The following C21orf58 variants were observed in gnomAD, a reference collection of about 807,000 sequenced individuals.
C21orf58 encodes the protein chromosome 21 open reading frame 58.
C21orf58 carries 34 observed loss-of-function variants against 35.8 expected under a neutral mutation model. The observed-to-expected ratio is 0.95, with a 90% confidence interval of 0.72 to 1.26. The LOEUF is 1.26. Among genes scored for constraint, C21orf58 ranks in the 50% most tolerant of loss-of-function variants. The probability of loss-of-function intolerance (pLI) is 0.00; values close to 1 mark genes in which losing one functional copy is unlikely to be tolerated. For synonymous variants in C21orf58, 191 were observed against 175.8 expected (o/e 1.09, Z -0.68); for missense variants, 440 against 414.3 (o/e 1.06, Z -0.54).
intron 7 of C21orf58, 125 bp from the exon 8 acceptor site, chr21:46,302,279 C>G: frequency 7.1e-7 from 1 of 1,403,858 alleles, no homozygotes; most frequent in Non-Finnish European, 9.4e-7. Context: ...AAGCATCCTC[C>G]CAGAGGAGGC....
intron 3 of C21orf58, among the ~76,000 whole-genome samples, chr21:46,316,594 G>A (rs999089106): frequency 1.3e-5 from 2 of 152,214 alleles, no homozygotes; most frequent in African/African-American, 4.8e-5. Flanking sequence ...CACTGGAGAG[G>A]GGCCGTTGGG....
Position 46,302,152 on chromosome 21 carries a change from G to A in C21orf58, c.816C>T (p.Asp272=). The change falls in exon 8 of 8, where the codon GAC becomes GAT. Residue 272 remains aspartate, a splice_region_variant and synonymous_variant. Transcript: ENST00000291691. ...MLKALPPALQ[D]PPHVPPRVPR... ...GGACCCTCGGGGGCACATGTGGCGG[G>A]TCCTGCCACAGACGCACCTGCTGCT... 6.7e-7 allele frequency: 1 copy of A among 1,484,644 alleles called. No homozygotes were observed. Among genetic ancestry groups the A allele is most frequent in the Non-Finnish European group, 9.0e-7 (1 of 1,116,554 alleles). 92.0% of individuals were successfully genotyped at this position (1,484,644 alleles called of 1,614,324 possible). A position where few individuals can be genotyped will look rare whatever the true frequency, so the allele number is the denominator to read the frequency against.
intron 1 of C21orf58, chr21:46,318,670 A>G: frequency 9.5e-7 from 1 of 1,056,798 alleles, no homozygotes; most frequent in Non-Finnish European, 1.1e-6. Flanking sequence ...ACTGCCTACC[A>G]AGGAGTTCAG....
chr21:46,302,175 G>A (rs1462631702), intron 7 of C21orf58, 21 bp from the exon 8 acceptor site: 1 of 1,456,326 alleles, frequency 6.9e-7, no homozygotes, highest in African/African-American at 1.4e-5. Flanking sequence ...CGCACCTGCT[G>A]CTTAGGACGC....
chr21:46,308,162 TAACTTTTAAGA>T (rs2082508060), intron 6 of C21orf58, among the ~76,000 whole-genome samples: 1 of 151,908 alleles, frequency 6.6e-6, no homozygotes, highest in South Asian at 2.1e-4. Context: ...CCTGCTGATT[TAACTTTTAAGA>T]AACTGCTGCC....
chr21:46,303,731 ATATATATATATATATT>A (rs2082256398), intron 6 of C21orf58, among the ~76,000 whole-genome samples: 4 of 28,432 alleles, frequency 1.4e-4, no homozygotes, highest in African/African-American at 3.5e-4. Flanking sequence ...ATATATATAT[ATATATATATATATATT>A]TTTTTTTTTT....
rs983482037 is a variant in C21orf58 at position 46,322,563 on chromosome 21, G to A, written c.100+76C>T. The A allele has an allele frequency of 1.2e-5, 17 of 1,370,670 alleles. No individual in the cohort carries two copies. In the African/African-American group the frequency reaches 2.4e-4, roughly 19 times the overall value. 84.9% of individuals were successfully genotyped at this position (1,370,670 alleles called of 1,614,324 possible). ...GCCTGCCTGGCCCCTGCTCTAATGAGCCCACTGCCCAGAGTTTGCTCAAAC... is the reference window on the plus strand; with the variant it reads ...GCCTGCCTGGCCCCTGCTCTAATGAACCCACTGCCCAGAGTTTGCTCAAAC... On this transcript the variant is annotated intron_variant, in intron 1 of 7. Coordinates refer to ENST00000291691, the MANE Select transcript of C21orf58 (RefSeq NM_058180.5).
intron 1 of C21orf58, 84 bp from the exon 2 acceptor site, chr21:46,318,304 G>C: frequency 2.6e-6 from 4 of 1,560,842 alleles, no homozygotes; most frequent in South Asian, 2.3e-5. Flanking sequence ...TGGGCGCCGC[G>C]TGACAGTTGC....
At chr21:46,319,463 C>T (rs1479299486) in intron 1 of C21orf58, among the ~76,000 whole-genome samples, 1 of 152,186 alleles carries the variant, frequency 6.6e-6, no homozygotes, top group African/African-American at 2.4e-5. Context: ...ACTCTGGCCC[C>T]ATGTTTAAGA....
intron 1 of C21orf58, among the ~76,000 whole-genome samples, chr21:46,321,134 T>C (rs1371040860): frequency 2.0e-5 from 3 of 152,158 alleles, no homozygotes; most frequent in African/African-American, 7.2e-5. Flanking sequence ...TCCCCTCTTA[T>C]TAACATCTTA....
chr21:46,311,624 G>GT (rs1416346039), intron 5 of C21orf58, 57 bp from the exon 6 acceptor site: 2 of 1,035,164 alleles, frequency 1.9e-6, no homozygotes, highest in Non-Finnish European at 2.9e-6. Context: ...AGTGTCTCCA[G>GT]TATCTACCAC....
rs1404231502 is a variant in C21orf58 at position 46,318,208 on chromosome 21, C to A, written c.113G>T (p.Gly38Val). ...GTTGCCTGCAGGGCGGGCCTTACCT[C>A]CTGGAGACCAGCCTGAGGGAAGAGA... Reference protein sequence around the residue: ...GHSLLCGWSPGGKARPAGNTG... With the variant: ...GHSLLCGWSPVGKARPAGNTG... The change falls in exon 2 of 8, where the codon GGA becomes GTA. Residue 38 changes from glycine to valine, a missense_variant. By Grantham distance (109) the Gly-to-Val change is moderately radical (BLOSUM62 -3). Coordinates refer to ENST00000291691, the MANE Select transcript of C21orf58 (RefSeq NM_058180.5). The A allele has an allele frequency of 6.2e-7, 1 of 1,612,450 alleles. No homozygotes were observed. The highest frequency in any genetic ancestry group is 1.1e-5 in the South Asian group (1 of 91,068).
chr21:46,301,894 T>C lies in C21orf58; in HGVS notation c.*105A>G. On this transcript the variant is annotated 3_prime_UTR_variant, in exon 8 of 8. Transcript: ENST00000291691. ...ACACTCGCGTAGCCACTCCGGGTGG[T>C]GGCAGGGTCTCTCCCTGCTCCCTTC... The C allele has an allele frequency of 7.5e-7, 1 of 1,336,168 alleles. No individual in the cohort carries two copies. The highest frequency in any genetic ancestry group is 2.1e-5 in the South Asian group (1 of 48,586). 82.8% of individuals were successfully genotyped at this position (1,336,168 alleles called of 1,614,324 possible).
At chr21:46,302,747 G>A (rs2145893876) in intron 6 of C21orf58, among the ~76,000 whole-genome samples, 171 bp from the exon 7 acceptor site, 1 of 148,238 alleles carries the variant, frequency 6.7e-6, no homozygotes, top group Non-Finnish European at 1.5e-5. Context: ...CGCGCCCTGA[G>A]CCCGTCTGCA....
At chr21:46,306,889 C>T (rs1601652750) in intron 6 of C21orf58, among the ~76,000 whole-genome samples, 2 of 143,530 alleles carry the variant, frequency 1.4e-5, no homozygotes, top group Middle Eastern at 4.8e-3. Flanking sequence ...TGCCCGGCCT[C>T]CCCTTATTTT....
intron 1 of C21orf58, chr21:46,318,448 GC>G: frequency 1.4e-6 from 2 of 1,414,300 alleles, no homozygotes; most frequent in East Asian, 5.2e-5. Flanking sequence ...AGCAGCTGAG[GC>G]AGAGGGGCAG....
At chr21:46,314,421 G>A (rs1038929275) in intron 5 of C21orf58, among the ~76,000 whole-genome samples, 2 of 152,112 alleles carry the variant, frequency 1.3e-5, no homozygotes, top group African/African-American at 4.8e-5. Context: ...CCAAATTCAG[G>A]GCCGCCCGCT....
rs746513425 is a variant in C21orf58 at position 46,322,734 on chromosome 21, G to A, written c.5C>T (p.Ala2Val). 1.9e-5 allele frequency: 29 copies of A among 1,525,484 alleles called. No homozygotes were observed. The highest frequency in any genetic ancestry group is 2.2e-5 in the Non-Finnish European group (25 of 1,134,578). The allele number at this position is 1,525,484 out of a possible 1,614,324, so 94.5% of individuals were successfully genotyped here. M[A>V]RSRLPATSLR... ...GGAGGTTGCAGGGAGCCGAGATCGC[G>A]CCATTGCGCTATAGCCTGGGCGTCG... The change falls in exon 1 of 8, where the codon GCG becomes GTG. Residue 2 changes from alanine (A) to valine (V), a missense_variant. Transcript: ENST00000291691.
Position 46,322,843 on chromosome 21 carries a change from G to T in C21orf58, c.-105C>A. On this transcript the variant is annotated 5_prime_UTR_variant, in exon 1 of 8. Transcript: ENST00000291691. ...AGGGCGCGTTTAAGTTGCAGTTGCT[G>T]AGGAGGCTGCAAGGTGAGCTTGCGT... The T allele has an allele frequency of 2.7e-6, 2 of 751,874 alleles. No individual in the cohort carries two copies. The highest frequency in any genetic ancestry group is 4.0e-6 in the Non-Finnish European group (2 of 503,468). The allele number at this position is 751,874 out of a possible 1,614,324, so 46.6% of individuals were successfully genotyped here.
Sources: allele counts gnomAD v4.1 joint callset (sites outside exome capture counted in the v4.1 genomes callset), GRCh38; gene constraint gnomAD v4.1.1; transcripts MANE v1.5; gene names NCBI Gene and HGNC (gene_info 2026-07-23, HGNC 2026-07-21).